Variants in TPRG1 observed in about 807,000 individuals in gnomAD.
The protein encoded by TPRG1 is tumor protein p63 regulated 1.
A neutral mutation model predicts 29.3 loss-of-function variants in TPRG1; 29 were observed. That is an observed-to-expected ratio of 0.99 (90% confidence interval 0.74 to 1.35). TPRG1 has a LOEUF of 1.35. Among genes scored for constraint, TPRG1 ranks in the 40% most tolerant of loss-of-function variants. TPRG1 has a pLI of 0.00. For missense variants in TPRG1, 327 were observed against 335.0 expected (o/e 0.98, Z 0.19); for synonymous variants, 130 against 116.8 (o/e 1.11, Z -0.73).
chr3:189,079,193 C>T (rs1380005830), intron 4 of TPRG1, among the ~76,000 whole-genome samples: 2 of 152,088 alleles, frequency 1.3e-5, no homozygotes, highest in African/African-American at 4.8e-5. Context: ...CTCATTGGAA[C>T]TAATACAGTG....
At chr3:189,233,177 TG>T (rs1265404350) in intron 3 of TPRG1, among the ~76,000 whole-genome samples, 1 of 151,372 alleles carries the variant, frequency 6.6e-6, no homozygotes, top group African/African-American at 2.4e-5. Flanking sequence ...TGTGTGTGTG[TG>T]TGTGTGTGTG....
chr3:189,104,515 CT>C (rs1254095998), intron 1 of TPRG1, among the ~76,000 whole-genome samples: 4 of 152,056 alleles, frequency 2.6e-5, no homozygotes, highest in Non-Finnish European at 4.4e-5. Context: ...GCCCAGGACT[CT>C]CACTTGGCTC....
intron 4 of TPRG1, among the ~76,000 whole-genome samples, chr3:189,261,501 A>G (rs991390394): frequency 3.3e-5 from 5 of 152,072 alleles, no homozygotes; most frequent in Admixed American, 2.0e-4. Flanking sequence ...TTTTAACTGT[A>G]TGTTCTTTCT....
chr3:189,036,572 C>T (rs538244407), intron 4 of TPRG1, among the ~76,000 whole-genome samples: 1 of 151,834 alleles, frequency 6.6e-6, no homozygotes, highest in Non-Finnish European at 1.5e-5. Flanking sequence ...AATGCTATCC[C>T]AGACAAAGGA....
chr3:189,168,577 G>A (rs186180476), upstream of TPRG1, among the ~76,000 whole-genome samples: 45 of 152,274 alleles, frequency 3.0e-4, no homozygotes, highest in Non-Finnish European at 4.6e-4. Context: ...TTTAAAGAGG[G>A]TAGACAGATG....
intron 4 of TPRG1, among the ~76,000 whole-genome samples, chr3:189,069,305 T>G (rs553591399): frequency 2.2e-4 from 33 of 152,170 alleles, no homozygotes; most frequent in Non-Finnish European, 4.7e-4. Flanking sequence ...AAATACATAC[T>G]TTTAGAAATG....
chr3:189,178,883 G>A (rs1334319138), intron 1 of TPRG1, among the ~76,000 whole-genome samples: 1 of 152,188 alleles, frequency 6.6e-6, no homozygotes, highest in African/African-American at 2.4e-5. Flanking sequence ...TAAACTGACA[G>A]TGATTTTACA....
At chr3:189,229,083 C>T (rs1036324546) in intron 3 of TPRG1, among the ~76,000 whole-genome samples, 3 of 152,108 alleles carry the variant, frequency 2.0e-5, no homozygotes, top group African/African-American at 7.2e-5. Context: ...GACTTGTATA[C>T]TGAAAGTTAC....
intron 4 of TPRG1, among the ~76,000 whole-genome samples, chr3:189,044,909 T>C (rs917579833): frequency 4.6e-5 from 7 of 152,208 alleles, no homozygotes; most frequent in African/African-American, 1.7e-4. Flanking sequence ...GGCCATAACA[T>C]TAGATTTTAT....
At chr3:189,146,144 C>T (rs1725234996) in intron 3 of TPRG1, among the ~76,000 whole-genome samples, 1 of 152,178 alleles carries the variant, frequency 6.6e-6, no homozygotes, top group African/African-American at 2.4e-5. Context: ...TTCATCACAT[C>T]AGCTGGTTTT....
At chr3:189,308,647 C>A (rs1721989603) in intron 4 of TPRG1, among the ~76,000 whole-genome samples, 1 of 152,118 alleles carries the variant, frequency 6.6e-6, no homozygotes, top group South Asian at 2.1e-4. Context: ...AATAGGGTCC[C>A]TCTTGAATTT....
intron 4 of TPRG1, among the ~76,000 whole-genome samples, chr3:189,263,597 G>A (rs1713528242): frequency 6.6e-6 from 1 of 152,158 alleles, no homozygotes; most frequent in South Asian, 2.1e-4. Context: ...TAAACTGTGG[G>A]GACATCTCTG....
At chr3:189,274,132 A>T (rs571591212) in intron 4 of TPRG1, among the ~76,000 whole-genome samples, 2 of 149,254 alleles carry the variant, frequency 1.3e-5, no homozygotes, top group African/African-American at 2.5e-5. Flanking sequence ...TCACTGATCC[A>T]TGGAGTGATT....
intron 4 of TPRG1, among the ~76,000 whole-genome samples, chr3:189,033,168 G>A (rs1367811419): frequency 1.3e-5 from 2 of 152,226 alleles, no homozygotes; most frequent in South Asian, 2.1e-4. Context: ...GTGAAGCTGG[G>A]AAATTTAGTC....
chr3:189,278,573 A>G (rs1716560178), intron 4 of TPRG1, among the ~76,000 whole-genome samples: 1 of 152,214 alleles, frequency 6.6e-6, no homozygotes, highest in South Asian at 2.1e-4. Context: ...GGCATCATGG[A>G]GGAAAAAAGG....
intron 4 of TPRG1, among the ~76,000 whole-genome samples, chr3:189,058,509 T>C (rs1291295160): frequency 6.6e-6 from 1 of 152,190 alleles, no homozygotes; most frequent in Admixed American, 6.5e-5. Flanking sequence ...TTTATAACTG[T>C]GTATCTACCC....
At chr3:189,189,770 C>T (rs1034247519) in intron 1 of TPRG1, among the ~76,000 whole-genome samples, 15 of 152,192 alleles carry the variant, frequency 9.9e-5, no homozygotes, top group African/African-American at 3.6e-4. Flanking sequence ...TCTGTCACTT[C>T]CAAATGGAGA....
chr3:189,212,348 A>T (rs1050231623), intron 2 of TPRG1: 1 of 152,124 alleles, frequency 6.6e-6, no homozygotes, highest in African/African-American at 2.4e-5. Flanking sequence ...CATTGCTTCC[A>T]TGACACTAAT....
intron 1 of TPRG1, among the ~76,000 whole-genome samples, chr3:189,105,472 C>G (rs1467994157): frequency 1.3e-5 from 2 of 152,118 alleles, no homozygotes; most frequent in African/African-American, 4.8e-5. Context: ...CTTTGCCCCC[C>G]TGCTAACTTA....
Sources: allele counts gnomAD v4.1 joint callset (sites outside exome capture counted in the v4.1 genomes callset), GRCh38; gene constraint gnomAD v4.1.1; transcripts MANE v1.5; gene names NCBI Gene and HGNC (gene_info 2026-07-23, HGNC 2026-07-21).